Variants in NUP88 observed in about 807,000 individuals in gnomAD.
The protein encoded by NUP88 is nucleoporin 88, also known as nuclear pore complex protein Nup88.
A neutral mutation model predicts 93.9 loss-of-function variants in NUP88; 57 were observed. The observed-to-expected ratio is 0.61, with a 90% CI of 0.49 to 0.76. NUP88 has a LOEUF of 0.76. Ranked by LOEUF, NUP88 falls within the 30% of genes least tolerant of loss-of-function variation. NUP88 has a pLI of 0.00. For missense variants in NUP88, 911 were observed against 901.0 expected, an observed-to-expected ratio of 1.01 and a Z score of -0.14; for synonymous variants, 346 against 336.8, an observed-to-expected ratio of 1.03 and a Z score of -0.30.
chr17:5,409,020 T>C, intron 4 of NUP88, 111 bp from the exon 5 acceptor site: 1 of 879,836 alleles, frequency 1.1e-6, no homozygotes, highest in Non-Finnish European at 1.7e-6. Flanking sequence ...GGTGGGTATG[T>C]ATGGAATTTG....
intron 11 of NUP88, 80 bp from the exon 12 acceptor site, chr17:5,387,984 T>C (rs749834637): frequency 1.5e-6 from 2 of 1,358,354 alleles, no homozygotes; most frequent in Non-Finnish European, 2.0e-6. Flanking sequence ...TCACAGGTGC[T>C]TTTTAAACTT....
chr17:5,410,798 CAA>C lies in NUP88; in HGVS notation c.594-11_594-10del, dbSNP rs1235555029. On this transcript the variant is annotated splice_polypyrimidine_tract_variant and intron_variant, in intron 3 of 16. Coordinates refer to ENST00000573584, the MANE Select transcript of NUP88 (RefSeq NM_002532.6). ...CACGTAGTGAGTAAATTCTAGCAACCAAAAGAGAAGAAAACCAGCACTTAAAA... is the reference window on the plus strand; with the variant it reads ...CACGTAGTGAGTAAATTCTAGCAACCAAGAGAAGAAAACCAGCACTTAAAA... 3 of 1,569,432 alleles carry C rather than the reference CAA, an allele frequency of 1.9e-6. No individual in the cohort carries two copies. The highest frequency in any genetic ancestry group is 1.7e-6 in the Non-Finnish European group (2 of 1,150,318).
At position 5,386,832 on chromosome 17, in the gene NUP88, G is replaced by A. The variant is rs1244698829; in HGVS notation, c.2044-6C>T. 3 of 1,599,100 alleles carry A rather than the reference G, an allele frequency of 1.9e-6. No homozygotes were observed. Among genetic ancestry groups the A allele is most frequent in the Non-Finnish European group, 2.6e-6 (3 of 1,166,758 alleles). ...TAATCCTTTTTCATAGTAACCTTAA[G>A]TATTAAAATAATAGATATTTTGGCA... On this transcript the variant is annotated splice_region_variant and splice_polypyrimidine_tract_variant and intron_variant, in intron 15 of 16. Transcript: ENST00000573584.
At chr17:5,400,744 C>T (rs1020761955) in intron 7 of NUP88, among the ~76,000 whole-genome samples, 2 of 152,156 alleles carry the variant, frequency 1.3e-5, no homozygotes, top group African/African-American at 4.8e-5. Context: ...ATAGTTATCA[C>T]AAAAGACTTT....
At chr17:5,411,585 A>C (rs900612069) in intron 3 of NUP88, among the ~76,000 whole-genome samples, 21 of 151,832 alleles carry the variant, frequency 1.4e-4, no homozygotes, top group Middle Eastern at 3.2e-3. Flanking sequence ...CATTTCAAAA[A>C]AAAAAAAAAA....
intron 5 of NUP88, among the ~76,000 whole-genome samples, chr17:5,407,508 A>G (rs1014661700): frequency 6.6e-6 from 1 of 152,224 alleles, no homozygotes; most frequent in African/African-American, 2.4e-5. Flanking sequence ...ACAAGCGAAT[A>G]AACTCTAATG....
intron 7 of NUP88, among the ~76,000 whole-genome samples, chr17:5,400,427 T>C (rs8066460): frequency 0.46 from 66,034 of 143,788 alleles, 15,276 homozygotes; most frequent in East Asian, 0.84. Flanking sequence ...ACCCGGGAGG[T>C]GGAGGTTGCA....
chr17:5,416,778 T>C (rs983911612), intron 1 of NUP88, 96 bp from the exon 2 acceptor site: 1 of 976,112 alleles, frequency 1.0e-6, no homozygotes, highest in South Asian at 1.6e-5. Context: ...TTACTACAAT[T>C]ATAGGATAAT....
intron 5 of NUP88, among the ~76,000 whole-genome samples, chr17:5,406,862 C>A (rs542584318): frequency 1.5e-4 from 23 of 152,234 alleles, no homozygotes; most frequent in African/African-American, 5.5e-4. Flanking sequence ...CTGTCCTGGG[C>A]TGCGCGCAGC....
rs1335700049 is a variant in NUP88 at position 5,385,035 on chromosome 17, C to G, written c.*1171G>C. ...TGAAGTGTTCTGCTGAGACTGAGCA[C>G]CTTACAGATATTTTTCTCCAGAAGA... On this transcript the variant is annotated 3_prime_UTR_variant, in exon 17 of 17. Transcript: ENST00000573584. 1 of 228,644 alleles carries G rather than the reference C, an allele frequency of 4.4e-6. No individual in the cohort carries two copies. The highest frequency in any genetic ancestry group is 8.7e-6 in the Non-Finnish European group (1 of 115,424). 14.2% of individuals were successfully genotyped at this position (228,644 alleles called of 1,614,324 possible). A position where few individuals can be genotyped will look rare whatever the true frequency, so the allele number is the denominator to read the frequency against.
rs1468686827 is a variant in NUP88 at position 5,416,761 on chromosome 17, A to AC, written c.298-80dup. The AC allele has an allele frequency of 6.3e-5, 68 of 1,082,448 alleles. No individual in the cohort carries two copies. In the East Asian group the frequency reaches 1.9e-3, roughly 30 times the overall value. 67.1% of individuals were successfully genotyped at this position (1,082,448 alleles called of 1,614,324 possible). On this transcript the variant is annotated intron_variant, in intron 1 of 16. Transcript: ENST00000573584. ...GGCAGTTACTTGAAATCACAGTAAT[A>AC]CTTAGTTTACTACAATTATAGGATA... is the stretch of plus-strand genomic sequence containing the variant.
chr17:5,403,609 G>A (rs1181867875), intron 7 of NUP88, among the ~76,000 whole-genome samples: 1 of 152,092 alleles, frequency 6.6e-6, no homozygotes, highest in Non-Finnish European at 1.5e-5. Flanking sequence ...GCAGTGAGTC[G>A]AGATTGCGCC....
chr17:5,400,699 A>C (rs1597323097), intron 7 of NUP88, among the ~76,000 whole-genome samples: 1 of 152,176 alleles, frequency 6.6e-6, no homozygotes, highest in East Asian at 1.9e-4. Flanking sequence ...ACATCGACTT[A>C]AATAAAATTG....
Position 5,408,819 on chromosome 17 carries a change from G to A in NUP88, c.771C>T (p.Asn257=), listed in dbSNP as rs1467759100. The change falls in exon 5 of 17, where the codon AAC becomes AAT. Residue 257 remains asparagine, a synonymous_variant. Coordinates refer to ENST00000573584, the MANE Select transcript of NUP88 (RefSeq NM_002532.6). Reference sequence around the variant, plus strand: ...GGTATGCCACTACTTCATCTTTGCCGTTTTGTCCAAATAGAGTCTTTGGGA... The same window carrying A: ...GGTATGCCACTACTTCATCTTTGCCATTTTGTCCAAATAGAGTCTTTGGGA... ...AAVPKTLFGQ[N]GKDEVVAYPL... is the part of the protein sequence containing the mutation. 1.6e-5 allele frequency: 26 copies of A among 1,613,934 alleles called. No individual in the cohort carries two copies. The East Asian group carries it at 3.8e-4, about 24-fold the overall frequency.
rs1912061135 is a variant in NUP88, at chr17:5,387,246, T to C, written c.1917-136A>G. ...GAAGGGTTAGGGGAGAGCCTCATGTTTTCCCCAACATATACTTCAGAGGAG... is the reference window on the plus strand; with the variant it reads ...GAAGGGTTAGGGGAGAGCCTCATGTCTTCCCCAACATATACTTCAGAGGAG... On this transcript the variant is annotated intron_variant, in intron 14 of 16. Coordinates refer to ENST00000573584, the MANE Select transcript of NUP88 (RefSeq NM_002532.6). 3 of 1,259,692 alleles carry C rather than the reference T, an allele frequency of 2.4e-6. No individual in the cohort carries two copies. In the South Asian group the frequency reaches 4.1e-5, roughly 17 times the overall value. The allele number at this position is 1,259,692 out of a possible 1,614,324, so 78.0% of individuals were successfully genotyped here.
At position 5,386,126 on chromosome 17, in the gene NUP88, A is replaced by G. The variant is rs1911941245; in HGVS notation, c.*80T>C. On this transcript the variant is annotated 3_prime_UTR_variant, in exon 17 of 17. Coordinates refer to ENST00000573584, the MANE Select transcript of NUP88 (RefSeq NM_002532.6). ...TCATCAAAACACCTTTTTATAAATTAGATAATTCTACCTGTTTTACAATAT... is the reference window on the plus strand; with the variant it reads ...TCATCAAAACACCTTTTTATAAATTGGATAATTCTACCTGTTTTACAATAT... 8 of 1,042,688 alleles carry G rather than the reference A, an allele frequency of 7.7e-6. No individual in the cohort carries two copies. The highest frequency in any genetic ancestry group is 1.1e-5 in the Non-Finnish European group (8 of 702,740). 64.6% of individuals were successfully genotyped at this position (1,042,688 alleles called of 1,614,324 possible).
In NUP88 at chr17:5,386,642, T is replaced by A. The variant is rs192970899; in HGVS notation, c.2162+66A>T. On this transcript the variant is annotated intron_variant, in intron 16 of 16. Transcript: ENST00000573584. ...GATTCAGGTTTCTATTAAGACAGGTTGATTCTGGCATACTGTAAAGGAAAA... is the reference window on the plus strand; with the variant it reads ...GATTCAGGTTTCTATTAAGACAGGTAGATTCTGGCATACTGTAAAGGAAAA... 52 of 1,074,930 alleles carry A rather than the reference T, an allele frequency of 4.8e-5. No homozygotes were observed. In the East Asian group the frequency reaches 1.2e-3, roughly 25 times the overall value. 66.6% of individuals were successfully genotyped at this position (1,074,930 alleles called of 1,614,324 possible). A position where few individuals can be genotyped will look rare whatever the true frequency, so the allele number is the denominator to read the frequency against.
At chr17:5,401,741 T>C (rs561378618) in intron 7 of NUP88, among the ~76,000 whole-genome samples, 1 of 152,364 alleles carries the variant, frequency 6.6e-6, no homozygotes, top group South Asian at 2.1e-4. Flanking sequence ...AATCATCTCA[T>C]TAAATCTAAC....
chr17:5,413,104 A>C (rs1271611785), intron 3 of NUP88, among the ~76,000 whole-genome samples: 1 of 152,238 alleles, frequency 6.6e-6, no homozygotes, highest in Non-Finnish European at 1.5e-5. Context: ...CAGTCTCCTG[A>C]GTAGCTGGGA....
Sources: allele counts gnomAD v4.1 joint callset (sites outside exome capture counted in the v4.1 genomes callset), GRCh38; gene constraint gnomAD v4.1.1; transcripts MANE v1.5; gene names NCBI Gene and HGNC (gene_info 2026-07-23, HGNC 2026-07-21).